SSH1: variants seen among roughly 807,000 people sequenced by gnomAD.
SSH1 encodes slingshot protein phosphatase 1, also known as protein phosphatase Slingshot homolog 1.
SSH1 carries 43 observed loss-of-function variants against 79.7 expected under a neutral mutation model. The observed-to-expected ratio is 0.54, with a 90% CI of 0.42 to 0.70. SSH1 has a LOEUF of 0.70. Among genes scored for constraint, SSH1 ranks in the 30% least tolerant of loss-of-function variants. SSH1 has a pLI of 0.00. For synonymous variants in SSH1, 599 were observed against 538.3 expected, an observed-to-expected ratio of 1.11 and a Z score of -1.56; for missense variants, 1,206 against 1,358.8, an observed-to-expected ratio of 0.89 and a Z score of 1.77.
At chr12:108,818,339 A>T (rs1427157267) in intron 3 of SSH1, 26 bp from the exon 4 acceptor site, 7 of 1,607,702 alleles carry the variant, frequency 4.4e-6, no homozygotes, top group Non-Finnish European at 6.0e-6. Context: ...AGAAAGCTTT[A>T]AAAGGTCTCT....
At chr12:108,830,117 G>A (rs970612431) in intron 2 of SSH1, among the ~76,000 whole-genome samples, 1 of 151,806 alleles carries the variant, frequency 6.6e-6, no homozygotes, top group South Asian at 2.1e-4. Context: ...GTTCCAGGGG[G>A]TGCTTCTGAT....
chr12:108,790,153 G>GT (rs34383501), intron 14 of SSH1, among the ~76,000 whole-genome samples: 36,694 of 143,430 alleles, frequency 0.26, 5,402 homozygotes, highest in South Asian at 0.44. Flanking sequence ...ATGGCTTCCA[G>GT]TTTTTTTTTT....
At chr12:108,855,853 G>A (rs2039133321) in intron 1 of SSH1, among the ~76,000 whole-genome samples, 1 of 152,094 alleles carries the variant, frequency 6.6e-6, no homozygotes, top group Non-Finnish European at 1.5e-5. Context: ...CTCATGAATG[G>A]CCTCTCCTCT....
intron 13 of SSH1, 148 bp from the exon 14 acceptor site, chr12:108,792,977 T>C: frequency 1.0e-6 from 1 of 952,814 alleles, no homozygotes; most frequent in Non-Finnish European, 1.6e-6. Flanking sequence ...CCTCTCTCTG[T>C]TCATTTGTTC....
intron 1 of SSH1, among the ~76,000 whole-genome samples, chr12:108,854,574 T>C (rs1202320573): frequency 6.6e-6 from 1 of 152,208 alleles, no homozygotes. Flanking sequence ...GCAGCAGGCC[T>C]GGCTGTGTCA....
intron 2 of SSH1, among the ~76,000 whole-genome samples, chr12:108,829,022 G>A (rs982026361): frequency 1.6e-4 from 25 of 152,214 alleles, no homozygotes; most frequent in African/African-American, 5.1e-4. Context: ...TGACTGCCGC[G>A]CTTTAAGGTT....
intron 13 of SSH1, among the ~76,000 whole-genome samples, chr12:108,798,233 C>G (rs1365025407): frequency 1.3e-5 from 2 of 152,226 alleles, no homozygotes; most frequent in African/African-American, 4.8e-5. Flanking sequence ...TATACTACAT[C>G]AGCAAGGCTG....
intron 13 of SSH1, among the ~76,000 whole-genome samples, chr12:108,793,853 A>T (rs1251229363): frequency 6.6e-6 from 1 of 152,256 alleles, no homozygotes; most frequent in Non-Finnish European, 1.5e-5. Flanking sequence ...TGACAGAGCC[A>T]TTCATCCTCT....
intron 2 of SSH1, among the ~76,000 whole-genome samples, chr12:108,846,476 C>T (rs999874576): frequency 4.6e-5 from 7 of 152,200 alleles, no homozygotes; most frequent in Admixed American, 2.0e-4. Flanking sequence ...ACAGTCTGAA[C>T]GGCACAGCTT....
intron 5 of SSH1, among the ~76,000 whole-genome samples, chr12:108,812,716 G>A (rs1795868008): frequency 6.6e-6 from 1 of 152,222 alleles, no homozygotes; most frequent in African/African-American, 2.4e-5. Context: ...CAGGAGCATG[G>A]AACAGGGACC....
chr12:108,790,169 A>T (rs1256453196), intron 14 of SSH1, among the ~76,000 whole-genome samples: 13 of 136,614 alleles, frequency 9.5e-5, no homozygotes, highest in Admixed American at 2.2e-4. Context: ...TTTTTTTTTT[A>T]AATGAAGTTT....
At position 108,786,484 on chromosome 12, in the gene SSH1, A is replaced by G. The variant is rs2036277755; in HGVS notation, c.*1504T>C. On this transcript the variant is annotated 3_prime_UTR_variant, in exon 15 of 15. Transcript: ENST00000326495. Reference sequence around the variant, plus strand: ...TGTGTGGCAAATCAAACCAGGGGTCAGCAACTTTTTCTACAAAGGGCCTGA... The same window carrying G: ...TGTGTGGCAAATCAAACCAGGGGTCGGCAACTTTTTCTACAAAGGGCCTGA... The G allele has an allele frequency of 6.6e-6, 1 of 152,266 alleles. No homozygotes were observed. Among genetic ancestry groups the G allele is most frequent in the Admixed American group, 6.5e-5 (1 of 15,286 alleles). 9.4% of individuals were successfully genotyped at this position (152,266 alleles called of 1,614,324 possible).
At chr12:108,853,787 G>A (rs1030309865) in intron 1 of SSH1, among the ~76,000 whole-genome samples, 6 of 152,188 alleles carry the variant, frequency 3.9e-5, no homozygotes, top group East Asian at 3.9e-4. Context: ...AGCCAGGCAC[G>A]GTGACATGTA....
chr12:108,857,371 G>A lies in SSH1; in HGVS notation c.69+57C>T, dbSNP rs978048684. On this transcript the variant is annotated intron_variant, in intron 1 of 14. Transcript: ENST00000326495. This position sits in a 1 kb window ranked among gnomAD's most constrained non-coding sequence, Gnocchi z 4.7. The stretch of plus-strand genomic sequence containing the variant: ...CCCCGCACGCGCGGCCCCAGCTCCG[G>A]CGGCCTCGGCGCGGCGTCCGGCGGC... 3.9e-5 allele frequency: 37 copies of A among 956,912 alleles called. 1 individual carries two copies. In the Admixed American group the frequency reaches 9.4e-4, roughly 24 times the overall value. The allele number at this position is 956,912 out of a possible 1,614,324, so 59.3% of individuals were successfully genotyped here.
At chr12:108,822,645 G>T (rs779719018) in intron 3 of SSH1, among the ~76,000 whole-genome samples, 5 of 152,144 alleles carry the variant, frequency 3.3e-5, no homozygotes, top group Non-Finnish European at 7.3e-5. Context: ...CTTTCTAACT[G>T]CCTTCAGCTC....
intron 2 of SSH1, chr12:108,826,099 C>T (rs1271280143): frequency 6.7e-6 from 3 of 449,558 alleles, no homozygotes; most frequent in Non-Finnish European, 1.3e-5. Flanking sequence ...AAAATTCATA[C>T]TGACCAGAAA....
Position 108,852,779 on chromosome 12 carries a change from G to C in SSH1, c.70-101C>G. Reference sequence around the variant, plus strand: ...TACCCCGGTACTGGAAAAAGATAAAGATATCCAGGAAACCTAGCTACTTCT... The same window carrying C: ...TACCCCGGTACTGGAAAAAGATAAACATATCCAGGAAACCTAGCTACTTCT... On this transcript the variant is annotated intron_variant, in intron 1 of 14. Transcript: ENST00000326495. The C allele has an allele frequency of 3.1e-6, 5 of 1,601,912 alleles. No individual in the cohort carries two copies. The East Asian group carries it at 6.7e-5, about 21-fold the overall frequency.
At chr12:108,844,092 G>T (rs189259940) in intron 2 of SSH1, among the ~76,000 whole-genome samples, 2 of 152,210 alleles carry the variant, frequency 1.3e-5, no homozygotes, top group Admixed American at 6.5e-5. Flanking sequence ...GTCTACTATG[G>T]GAGAAGGGGT....
Position 108,857,430 on chromosome 12 carries a change from C to G in SSH1, c.67G>C (p.Glu23Gln). 1 of 1,098,808 alleles carries G rather than the reference C, an allele frequency of 9.1e-7. No homozygotes were observed. Among genetic ancestry groups the G allele is most frequent in the Non-Finnish European group, 1.1e-6 (1 of 888,580 alleles). 68.1% of individuals were successfully genotyped at this position (1,098,808 alleles called of 1,614,324 possible). ...SAASSSASNS[E>Q]LEAGSEEDRK... ...GGCGCGGCGAGCCCGGGGCTCACCT[C>G]GCTGTTGCTGGCCGAGGAGGAGGCG... The change falls in exon 1 of 15, where the codon GAG becomes CAG. Residue 23 changes from glutamate to glutamine, a missense_variant and splice_region_variant. Glu to Gln is a conservative substitution (Grantham distance 29). Around this residue, in one of 5 missense-constraint regions of SSH1, gnomAD observed 100 missense variants for 82.3 expected, o/e 1.21. Coordinates refer to ENST00000326495, the MANE Select transcript of SSH1 (RefSeq NM_018984.4). The surrounding 1 kb of genome is among the most constrained non-coding windows in gnomAD (Gnocchi z 4.7).
Sources: allele counts gnomAD v4.1 joint callset (sites outside exome capture counted in the v4.1 genomes callset), GRCh38; gene constraint gnomAD v4.1.1; regional missense constraint gnomAD v4.1.1; non-coding constraint Gnocchi (gnomAD v3.1); transcripts MANE v1.5; gene names NCBI Gene and HGNC (gene_info 2026-07-23, HGNC 2026-07-21).